SLC35D2: variants seen among roughly 807,000 people sequenced by gnomAD.
The protein encoded by SLC35D2 is nucleotide sugar transporter SLC35D2.
In SLC35D2, 43 loss-of-function variants were observed where a neutral mutation model predicts 41.8. The observed-to-expected ratio is 1.03, with a 90% confidence interval of 0.81 to 1.33. The LOEUF (loss-of-function observed/expected upper bound fraction) is 1.33, where lower values mean the gene tolerates loss of function less well. SLC35D2 is among the 40% of genes most tolerant of loss of function. SLC35D2 has a pLI of 0.00. For missense variants in SLC35D2, 380 were observed against 408.4 expected, an observed-to-expected ratio of 0.93 and a Z score of 0.60; for synonymous variants, 150 against 163.9, an observed-to-expected ratio of 0.92 and a Z score of 0.65.
chr9:96,368,826 A>C (rs1037064480), intron 1 of SLC35D2, among the ~76,000 whole-genome samples: 7 of 151,824 alleles, frequency 4.6e-5, no homozygotes, highest in African/African-American at 1.7e-4. Context: ...GTGCAGTGGC[A>C]CGATCTCAGC....
Position 96,360,188 on chromosome 9 carries a change from G to A in SLC35D2, c.313C>T (p.His105Tyr), listed in dbSNP as rs763360808. 1 of 1,612,608 alleles carries A rather than the reference G, an allele frequency of 6.2e-7. No individual in the cohort carries two copies. The highest frequency in any genetic ancestry group is 8.5e-7 in the Non-Finnish European group (1 of 1,179,284). ...FPLPLLYVGN[H>Y]ISGLSSTSKL... ...CTTGTGCTTGATAATCCACTTATGT[G>A]GTTTCCAACGTAGAGGAGAGGCAGA... The change falls in exon 4 of 12, where the codon CAC becomes TAC. Residue 105 changes from histidine (H) to tyrosine (Y), a missense_variant. Transcript: ENST00000253270.
intron 4 of SLC35D2, among the ~76,000 whole-genome samples, chr9:96,352,364 C>G (rs1829846224): frequency 6.6e-6 from 1 of 151,840 alleles, no homozygotes; most frequent in African/African-American, 2.4e-5. Context: ...CTGTGTTGCC[C>G]AGGCTGTAGT....
chr9:96,372,723 T>C (rs1587721403), intron 1 of SLC35D2, among the ~76,000 whole-genome samples: 1 of 151,294 alleles, frequency 6.6e-6, no homozygotes, highest in Admixed American at 6.6e-5. Flanking sequence ...TAGCTGGGAT[T>C]ACAGGCGCGC....
chr9:96,355,331 T>C (rs554131350), intron 4 of SLC35D2, among the ~76,000 whole-genome samples: 23 of 151,656 alleles, frequency 1.5e-4, no homozygotes, highest in African/African-American at 5.3e-4. Context: ...AAAATATATA[T>C]GTTTTTTAAA....
At chr9:96,383,350 A>T in intron 1 of SLC35D2, 127 bp downstream of exon 1, 1 of 588,590 alleles carries the variant, frequency 1.7e-6, no homozygotes, top group Non-Finnish European at 2.6e-6. Flanking sequence ...AAACTCGACC[A>T]ATGTGCCCAG....
intron 5 of SLC35D2, 81 bp from the exon 6 acceptor site, chr9:96,351,252 G>A (rs1829802087): frequency 9.9e-7 from 1 of 1,006,166 alleles, no homozygotes; most frequent in Non-Finnish European, 1.5e-6. Context: ...TAAACAAATT[G>A]AAAATAGACA....
chr9:96,322,173 C>T lies in SLC35D2; in HGVS notation c.832-93G>A, dbSNP rs538609280. The T allele has an allele frequency of 2.1e-4, 168 of 805,706 alleles. No homozygotes were observed. The African/African-American group carries it at 2.8e-3, about 13-fold the overall frequency. 49.9% of individuals were successfully genotyped at this position (805,706 alleles called of 1,614,324 possible). ...AACCTGAAACTAGACATTTTAGTTA[C>T]TTTGCATAGAGACTTGTACATAGGG... On this transcript the variant is annotated intron_variant, in intron 10 of 11. Coordinates refer to ENST00000253270, the MANE Select transcript of SLC35D2 (RefSeq NM_007001.3).
chr9:96,330,813 G>A (rs886218117), intron 9 of SLC35D2, among the ~76,000 whole-genome samples: 1 of 152,138 alleles, frequency 6.6e-6, no homozygotes, highest in Admixed American at 6.6e-5. Context: ...ATCTCCCCAG[G>A]TGGCCTCCCT....
chr9:96,376,779 T>C (rs181838877), intron 1 of SLC35D2, among the ~76,000 whole-genome samples: 52 of 151,954 alleles, frequency 3.4e-4, no homozygotes, highest in Non-Finnish European at 2.8e-4. Flanking sequence ...CTAATTTTTG[T>C]ATTTTTAGTA....
At chr9:96,376,646 G>A (rs893492049) in intron 1 of SLC35D2, among the ~76,000 whole-genome samples, 4 of 151,870 alleles carry the variant, frequency 2.6e-5, no homozygotes, top group African/African-American at 4.8e-5. Context: ...GTTGGTGGGC[G>A]CCCATAATCC....
chr9:96,345,167 T>C, intron 7 of SLC35D2, 132 bp downstream of exon 7: 1 of 561,144 alleles, frequency 1.8e-6, no homozygotes, highest in East Asian at 3.3e-5. Flanking sequence ...ACAAGATAAT[T>C]GAAAATAAGG....
intron 8 of SLC35D2, among the ~76,000 whole-genome samples, chr9:96,342,062 A>G (rs1387780660): frequency 1.3e-5 from 2 of 151,928 alleles, no homozygotes; most frequent in Non-Finnish European, 2.9e-5. Flanking sequence ...ATGAAAGGAG[A>G]CAAGCCTCTA....
At position 96,372,521 on chromosome 9, in the gene SLC35D2, G is replaced by A. The variant is rs186430259; in HGVS notation, c.159-4216C>T. Among the ~76,000 whole-genome samples the A allele has an allele frequency of 6.6e-5, 10 of 150,534 alleles. No homozygotes were observed. The Admixed American group carries it at 6.7e-4, about 10-fold the overall frequency. On this transcript the variant is annotated intron_variant, in intron 1 of 11. Transcript: ENST00000253270. ...AATTATCAGGCCCAGAGAGGCCCTGGAATGTAACAGCATTCATATTGCTCC... is the reference window on the plus strand; with the variant it reads ...AATTATCAGGCCCAGAGAGGCCCTGAAATGTAACAGCATTCATATTGCTCC...
intron 9 of SLC35D2, among the ~76,000 whole-genome samples, chr9:96,328,719 T>C (rs980887359): frequency 1.2e-4 from 18 of 152,168 alleles, no homozygotes; most frequent in African/African-American, 3.9e-4. Context: ...CCAACAAATA[T>C]AGAAACTCAA....
chr9:96,380,890 T>C (rs34538154), intron 1 of SLC35D2, among the ~76,000 whole-genome samples: 7,104 of 152,286 alleles, frequency 0.047, 204 homozygotes, highest in African/African-American at 0.08. Flanking sequence ...GGCTGTGTTT[T>C]CCATGGACAC....
rs1830196366 is a variant in SLC35D2 at position 96,360,066 on chromosome 9, T to A, written c.347+88A>T. 3.3e-6 allele frequency: 3 copies of A among 904,646 alleles called. No individual in the cohort carries two copies. In the Admixed American group the frequency reaches 6.8e-5, roughly 21 times the overall value. The allele number at this position is 904,646 out of a possible 1,614,324, so 56.0% of individuals were successfully genotyped here. A position where few individuals can be genotyped will look rare whatever the true frequency, so the allele number is the denominator to read the frequency against. On this transcript the variant is annotated intron_variant, in intron 4 of 11. Transcript: ENST00000253270. ...TGTCTTCTATATATGGTACAAGCACTATCAATGGCAAAAATCAATCTTGGT... is the reference window on the plus strand; with the variant it reads ...TGTCTTCTATATATGGTACAAGCACAATCAATGGCAAAAATCAATCTTGGT...
chr9:96,360,628 C>CAAA lies in SLC35D2; in HGVS notation c.280-410_280-408dup, dbSNP rs906000581. On this transcript the variant is annotated intron_variant, in intron 3 of 11. Coordinates refer to ENST00000253270, the MANE Select transcript of SLC35D2 (RefSeq NM_007001.3). ...TGGGCAACAGAGCAAGACTTCATCT[C>CAAA]AAAAAAAAAAAAAAAAAAAAAAAAA... Among the ~76,000 whole-genome samples, 90 of 15,678 alleles carry CAAA rather than the reference C, an allele frequency of 5.7e-3. 7 individuals are homozygous for CAAA. The highest frequency in any genetic ancestry group is 0.014 in the African/African-American group (56 of 3,880). 10.3% of individuals were successfully genotyped at this position (15,678 alleles called of 152,430 possible).
chr9:96,370,040 C>T (rs1830615965), intron 1 of SLC35D2, among the ~76,000 whole-genome samples: 1 of 152,208 alleles, frequency 6.6e-6, no homozygotes, highest in Admixed American at 6.5e-5. Flanking sequence ...CATTCCCCAG[C>T]TGGGTCCTCT....
At chr9:96,324,549 C>CTTTTGTTTTTTTTTTTTT (rs1828420834) in intron 9 of SLC35D2, among the ~76,000 whole-genome samples, 1 of 117,780 alleles carries the variant, frequency 8.5e-6, no homozygotes, top group Non-Finnish European at 1.8e-5. Context: ...GCCTGCTGCA[C>CTTTTGTTTTTTTTTTTTT]TTTTTTTTTT....
Sources: allele counts gnomAD v4.1 joint callset (sites outside exome capture counted in the v4.1 genomes callset), GRCh38; gene constraint gnomAD v4.1.1; transcripts MANE v1.5; gene names NCBI Gene and HGNC (gene_info 2026-07-23, HGNC 2026-07-21).